Variants in PLEKHG4B observed in about 807,000 individuals in gnomAD.
The protein encoded by PLEKHG4B is pleckstrin homology and RhoGEF domain containing G4B.
Under a neutral mutation model 121.3 loss-of-function variants are expected in PLEKHG4B, and 111 were observed. The ratio of observed to expected loss-of-function variants is 0.92; its 90% CI spans 0.78 to 1.07. The LOEUF is 1.07. PLEKHG4B is among the 50% of genes least tolerant of loss of function. The pLI, the probability that PLEKHG4B is intolerant of heterozygous loss-of-function variation, is 0.00. For missense variants in PLEKHG4B, 1,831 were observed against 1,757.8 expected (o/e 1.04, Z -0.74); for synonymous variants, 738 against 725.0 (o/e 1.02, Z -0.29).
chr5:150,342 G>A (rs1045094895), intron 6 of PLEKHG4B, among the ~76,000 whole-genome samples: 2 of 152,162 alleles, frequency 1.3e-5, no homozygotes, highest in African/African-American at 2.4e-5. Context: ...GTTGCCTGGT[G>A]CCAGGAGCAG....
intron 3 of PLEKHG4B, among the ~76,000 whole-genome samples, chr5:142,525 A>C (rs1218771191): frequency 6.6e-6 from 1 of 150,660 alleles, no homozygotes; most frequent in African/African-American, 2.5e-5. Context: ...ACATGCCTCC[A>C]ACGATCACAC....
At chr5:153,209 T>C (rs531948319) in intron 7 of PLEKHG4B, among the ~76,000 whole-genome samples, 61 of 152,364 alleles carry the variant, frequency 4.0e-4, no homozygotes, top group African/African-American at 1.3e-3. Flanking sequence ...CTTTACCTCA[T>C]TGAGCACAGT....
In PLEKHG4B at chr5:154,991, G is replaced by T; in HGVS notation, c.2109G>T (p.Gln703His). 6.2e-7 allele frequency: 1 copy of T among 1,609,876 alleles called. No homozygotes were observed. Among genetic ancestry groups the T allele is most frequent in the Non-Finnish European group, 8.5e-7 (1 of 1,177,854 alleles). The change falls in exon 8 of 20, where the codon CAG becomes CAT. Residue 703 changes from glutamine (Q) to histidine (H), a missense_variant and splice_region_variant. Physicochemically the swap from Gln to His is conservative, Grantham distance 24 (BLOSUM62 0). Coordinates refer to ENST00000637938, the MANE Select transcript of PLEKHG4B (RefSeq NM_052909.5). ...ATGGTGACTGGATCTGCTTCCGTCA[G>T]GTAGGTTCAGCCTGCAGCTGCTGCA... ...YSHGDWICFR[Q>H]RLEHFAANCE...
rs1735776566 is a variant in PLEKHG4B, at chr5:156,182, A to G, written c.2320A>G (p.Arg774Gly). 1.9e-6 allele frequency: 3 copies of G among 1,568,356 alleles called. No individual in the cohort carries two copies. The highest frequency in any genetic ancestry group is 2.6e-6 in the Non-Finnish European group (3 of 1,157,146). ...GGGCACCGTCCTGGCGCGGCTGAGGAGAGAAGAGCTTGGCACAGAAGACAG... is the reference window on the plus strand; with the variant it reads ...GGGCACCGTCCTGGCGCGGCTGAGGGGAGAAGAGCTTGGCACAGAAGACAG... ...EGGTVLARLR[R>G]EELGTEDSRD... The change falls in exon 10 of 20, where the codon AGA becomes GGA. Residue 774 changes from arginine to glycine, a missense_variant. Physicochemically the swap from Arg to Gly is moderately radical, Grantham distance 125. Coordinates refer to ENST00000637938, the MANE Select transcript of PLEKHG4B (RefSeq NM_052909.5). The surrounding 1 kb of genome is among the most constrained non-coding windows in gnomAD (Gnocchi z 4.4).
chr5:160,373 G>A (rs892385912), intron 11 of PLEKHG4B, among the ~76,000 whole-genome samples: 13 of 152,186 alleles, frequency 8.5e-5, no homozygotes, highest in African/African-American at 2.2e-4. Context: ...GGATGGCTGC[G>A]GTCAGACCAT....
rs567088250 is a variant in PLEKHG4B, at chr5:157,308, C to T, written c.2487+397C>T. Among the ~76,000 whole-genome samples the T allele has an allele frequency of 1.3e-5, 2 of 151,956 alleles. No individual in the cohort carries two copies. The highest frequency in any genetic ancestry group is 2.1e-4 in the South Asian group (1 of 4,804). ...AGAGAGTCTGGGCCAAGGTTGAGGA[C>T]GGCAGCCTGGGAAACACCTCCAGAT... On this transcript the variant is annotated intron_variant, in intron 11 of 19. Coordinates refer to ENST00000637938, the MANE Select transcript of PLEKHG4B (RefSeq NM_052909.5). This position sits in a 1 kb window ranked among gnomAD's most constrained non-coding sequence, Gnocchi z 4.6.
At chr5:126,206 G>A (rs1734606712) in intron 2 of PLEKHG4B, among the ~76,000 whole-genome samples, 1 of 152,040 alleles carries the variant, frequency 6.6e-6, no homozygotes, top group Admixed American at 6.6e-5. Context: ...CTCTCCTTCT[G>A]GAACTCCCAT....
chr5:96,572 C>T (rs1331711564), intron 1 of PLEKHG4B, among the ~76,000 whole-genome samples: 1 of 152,096 alleles, frequency 6.6e-6, no homozygotes, highest in Non-Finnish European at 1.5e-5. Context: ...CCTGAGTTTT[C>T]TTTATGGATT....
At chr5:181,413 C>G (rs1174675636) in intron 18 of PLEKHG4B, 101 bp from the exon 19 acceptor site, 1 of 1,287,852 alleles carries the variant, frequency 7.8e-7, no homozygotes, top group African/African-American at 1.5e-5. Context: ...CCCTGTACAC[C>G]CTCCTGGTTT....
chr5:117,102 C>T (rs1734328872), intron 2 of PLEKHG4B, among the ~76,000 whole-genome samples: 1 of 152,130 alleles, frequency 6.6e-6, no homozygotes, highest in South Asian at 2.1e-4. Flanking sequence ...CTTCTGGAAA[C>T]GTCATGTGAA....
chr5:168,617 G>C (rs1479518655), intron 13 of PLEKHG4B, among the ~76,000 whole-genome samples: 1 of 152,206 alleles, frequency 6.6e-6, no homozygotes, highest in South Asian at 2.1e-4. Flanking sequence ...GAAACCTTAT[G>C]TTCAGAGTTT....
chr5:104,215 G>A (rs1262727823), intron 1 of PLEKHG4B, among the ~76,000 whole-genome samples: 1 of 129,254 alleles, frequency 7.7e-6, no homozygotes, highest in Non-Finnish European at 1.6e-5. Flanking sequence ...TCCCAGCACC[G>A]ATTCCTAAAC....
rs949115231 is a variant in PLEKHG4B at position 139,360 on chromosome 5, G to A, written c.244-123G>A. On this transcript the variant is annotated intron_variant, in intron 2 of 19. Coordinates refer to ENST00000637938, the MANE Select transcript of PLEKHG4B (RefSeq NM_052909.5). The surrounding 1 kb of genome is among the most constrained non-coding windows in gnomAD (Gnocchi z 5.0). Reference sequence around the variant, plus strand: ...CAAGGAACAGGACACCCCAGCCCCCGTGAGACCCCTTCCTTGTGGGAGCTC... The same window carrying A: ...CAAGGAACAGGACACCCCAGCCCCCATGAGACCCCTTCCTTGTGGGAGCTC... The A allele has an allele frequency of 1.2e-4, 46 of 398,132 alleles. No individual in the cohort carries two copies. Among genetic ancestry groups the A allele is most frequent in the African/African-American group, 8.2e-4 (40 of 48,634 alleles). 24.7% of individuals were successfully genotyped at this position (398,132 alleles called of 1,614,324 possible).
At chr5:176,086 G>A in intron 18 of PLEKHG4B, among the ~76,000 whole-genome samples, 1 of 117,998 alleles carries the variant, frequency 8.5e-6, no homozygotes, top group East Asian at 2.2e-4. Flanking sequence ...AGCCAGCTCT[G>A]TCAGACACAG....
intron 6 of PLEKHG4B, among the ~76,000 whole-genome samples, chr5:145,827 G>A (rs1735390259): frequency 6.6e-6 from 1 of 152,032 alleles, no homozygotes; most frequent in Non-Finnish European, 1.5e-5. Flanking sequence ...GAACCAGGGT[G>A]CCCTCTCCCA....
In PLEKHG4B at chr5:187,407, A is replaced by C. The variant is rs1020290987; in HGVS notation, c.*5084A>C. 1 of 152,484 alleles carries C rather than the reference A, an allele frequency of 6.6e-6. No homozygotes were observed. The highest frequency in any genetic ancestry group is 2.4e-5 in the African/African-American group (1 of 41,440). The allele number at this position is 152,484 out of a possible 1,614,324, so 9.4% of individuals were successfully genotyped here. A position where few individuals can be genotyped will look rare whatever the true frequency, so the allele number is the denominator to read the frequency against. ...CGGGCCCCTCCTGGATGGCAGCAGC[A>C]GTGGAGGTTTGGGTTTTGAGGGAGC... On this transcript the variant is annotated 3_prime_UTR_variant, in exon 20 of 20. Coordinates refer to ENST00000637938, the MANE Select transcript of PLEKHG4B (RefSeq NM_052909.5).
Position 163,388 on chromosome 5 carries a change from G to A in PLEKHG4B, c.3316G>A (p.Val1106Ile). The A allele has an allele frequency of 6.2e-7, 1 of 1,613,146 alleles. No individual in the cohort carries two copies. Among genetic ancestry groups the A allele is most frequent in the Non-Finnish European group, 8.5e-7 (1 of 1,180,040 alleles). The change falls in exon 13 of 20, where the codon GTC (valine) becomes ATC (isoleucine). Residue 1106 changes from valine (V) to isoleucine (I), a missense_variant. Physicochemically the swap from Val to Ile is conservative, Grantham distance 29 (BLOSUM62 3). Coordinates refer to ENST00000637938, the MANE Select transcript of PLEKHG4B (RefSeq NM_052909.5). ...RDSCQPDHTS[V>I]FSKGLEVTST... Reference sequence around the variant, plus strand: ...CTCCTGCCAGCCAGACCATACTAGTGTCTTCAGCAAGGGCCTGGAGGTAAC... The same window carrying A: ...CTCCTGCCAGCCAGACCATACTAGTATCTTCAGCAAGGGCCTGGAGGTAAC...
chr5:139,400 C>T lies in PLEKHG4B; in HGVS notation c.244-83C>T. 1 of 398,686 alleles carries T rather than the reference C, an allele frequency of 2.5e-6. No homozygotes were observed. 24.7% of individuals were successfully genotyped at this position (398,686 alleles called of 1,614,324 possible). A position where few individuals can be genotyped will look rare whatever the true frequency, so the allele number is the denominator to read the frequency against. ...TGTGGGAGCTCAGTCACTGACCTTC[C>T]CCTGAGGGGTGGAGACCCAGGGCAT... On this transcript the variant is annotated intron_variant, in intron 2 of 19. Transcript: ENST00000637938. The surrounding 1 kb of genome is among the most constrained non-coding windows in gnomAD (Gnocchi z 5.0).
In PLEKHG4B at chr5:161,842, G is replaced by A. The variant is rs1736013629; in HGVS notation, c.2547G>A (p.Met849Ile). ...AKENPQRTEE[M>I]VQDFRRGLSA... is the part of the protein sequence containing the mutation. ...AGAACCCGCAACGTACAGAGGAAAT[G>A]GTCCAGGATTTCAGAAGGGGCCTGA... Residue 849 changes from methionine (M) to isoleucine (I), a missense_variant, in exon 12 of 20, where the codon ATG becomes ATA. By Grantham distance (10) the Met-to-Ile change is conservative. Transcript: ENST00000637938. The A allele has an allele frequency of 3.1e-6, 5 of 1,613,944 alleles. No homozygotes were observed. Among genetic ancestry groups the A allele is most frequent in the Non-Finnish European group, 3.4e-6 (4 of 1,180,024 alleles).
Sources: allele counts gnomAD v4.1 joint callset (sites outside exome capture counted in the v4.1 genomes callset), GRCh38; gene constraint gnomAD v4.1.1; non-coding constraint Gnocchi (gnomAD v3.1); transcripts MANE v1.5; gene names NCBI Gene and HGNC (gene_info 2026-07-23, HGNC 2026-07-21).